The following SHBG variants were observed in gnomAD, a reference collection of about 807,000 sequenced individuals.
SHBG encodes the protein sex hormone binding globulin.
A neutral mutation model predicts 41.9 loss-of-function variants in SHBG; 37 were observed. The ratio of observed to expected loss-of-function variants is 0.88; its 90% CI spans 0.68 to 1.16. The LOEUF is 1.16. Among genes scored for constraint, SHBG ranks in the 50% most tolerant of loss-of-function variants. The pLI is 0.00. For synonymous variants in SHBG, 217 were observed against 205.8 expected (o/e 1.05, Z -0.47); for missense variants, 466 against 499.9 (o/e 0.93, Z 0.65).
intron 1 of SHBG, among the ~76,000 whole-genome samples, chr17:7,619,565 G>A (rs535524575): frequency 1.3e-5 from 2 of 151,818 alleles, no homozygotes; most frequent in African/African-American, 4.8e-5. Flanking sequence ...AATTAGCCAG[G>A]CATGGTGGCA....
chr17:7,631,805 C>T (rs2072426676), intron 5 of SHBG, 57 bp downstream of exon 5: 3 of 1,612,346 alleles, frequency 1.9e-6, no homozygotes, highest in Admixed American at 3.3e-5. Context: ...TGCCTCTGTC[C>T]CCCTCTACCA....
rs1414189472 is a variant in SHBG at position 7,630,869 on chromosome 17, G to C, written c.393G>C (p.Gln131His). ...GPRLDDGRWH[Q>H]VEVKMEGDSV... ...GGCTGGATGATGGGAGATGGCACCA[G>C]GTAAGCTAGCTCTGGTCCTCAGGGG... Residue 131 changes from glutamine (Q) to histidine (H), a missense_variant and splice_region_variant, in exon 3 of 8, where the codon CAG becomes CAC. Transcript: ENST00000380450. The surrounding 1 kb of genome is among the most constrained non-coding windows in gnomAD (Gnocchi z 4.6). 1 of 1,612,294 alleles carries C rather than the reference G, an allele frequency of 6.2e-7. No individual in the cohort carries two copies. Among genetic ancestry groups the C allele is most frequent in the Non-Finnish European group, 8.5e-7 (1 of 1,179,846 alleles).
chr17:7,623,618 C>T (rs55956545), upstream of SHBG, among the ~76,000 whole-genome samples: 3,856 of 152,042 alleles, frequency 0.025, 68 homozygotes, highest in South Asian at 0.09. Flanking sequence ...CCACCAAGCT[C>T]GGCTAATGTT....
rs915240487 is a variant in SHBG, at chr17:7,631,816, C to G, written c.716-63C>G. On this transcript the variant is annotated intron_variant, in intron 5 of 7. Transcript: ENST00000380450. ...AGCCTGCCTCTGTCCCCCTCTACCA[C>G]TGGCCCCTTTCCTCCTTGAGACCCC... 4 of 1,612,900 alleles carry G rather than the reference C, an allele frequency of 2.5e-6. No homozygotes were observed. The African/African-American group carries it at 5.3e-5, about 22-fold the overall frequency.
At chr17:7,629,893 A>C (rs1361095982), upstream of SHBG, among the ~76,000 whole-genome samples, 2 of 151,870 alleles carry the variant, frequency 1.3e-5, no homozygotes, top group Non-Finnish European at 2.9e-5. Context: ...CTAGAGGAGG[A>C]GAGGGGAGAT....
upstream of SHBG, among the ~76,000 whole-genome samples, chr17:7,623,067 C>T (rs2072128503): frequency 6.6e-6 from 1 of 150,824 alleles, no homozygotes; most frequent in South Asian, 2.1e-4. Flanking sequence ...CTCTGAAAAC[C>T]AAAGACAAAA....
chr17:7,629,246 C>T (rs909088629), upstream of SHBG, among the ~76,000 whole-genome samples: 2 of 151,286 alleles, frequency 1.3e-5, no homozygotes, highest in Non-Finnish European at 2.9e-5. Context: ...CGTGGTGGTG[C>T]GTGCACCTGT....
At chr17:7,614,615 CCCGGAGGAGGAG>C in intron 1 of SHBG, 1 of 848,024 alleles carries the variant, frequency 1.2e-6, no homozygotes, top group Non-Finnish European at 1.6e-6. Flanking sequence ...CCGGCGTCTC[CCCGGAGGAGGAG>C]CCGGAGGGGG....
At chr17:7,632,079 G>A (rs1287780349) in intron 6 of SHBG, 64 bp downstream of exon 6, 3 of 1,529,642 alleles carry the variant, frequency 2.0e-6, no homozygotes, top group Non-Finnish European at 2.7e-6. Context: ...GGGAAGAGGG[G>A]AGTCCAACAT....
chr17:7,627,673 T>A, upstream of SHBG: 1 of 1,613,186 alleles, frequency 6.2e-7, no homozygotes, highest in South Asian at 1.1e-5. The surrounding 1 kb of genome is among the most constrained non-coding windows in gnomAD (Gnocchi z 4.8). Context: ...TCCCAGGGCC[T>A]CGCAAACGGC....
chr17:7,622,088 A>G (rs1376093900), intron 1 of SHBG, among the ~76,000 whole-genome samples: 1 of 148,918 alleles, frequency 6.7e-6, no homozygotes, highest in Non-Finnish European at 1.5e-5. Flanking sequence ...CAAATGATCT[A>G]CCCGCCTCGG....
At chr17:7,623,036 CAA>C (rs34479809), upstream of SHBG, among the ~76,000 whole-genome samples, 78 of 131,154 alleles carry the variant, frequency 5.9e-4, no homozygotes, top group South Asian at 9.4e-4. Flanking sequence ...GACTCCGTCT[CAA>C]AAAAAAAAAA....
chr17:7,615,894 G>A (rs2150953216), intron 1 of SHBG, among the ~76,000 whole-genome samples: 1 of 152,036 alleles, frequency 6.6e-6, no homozygotes. Flanking sequence ...TTTCAGACGG[G>A]CGCTGTGGCT....
chr17:7,627,949 A>AC (rs2072276294), upstream of SHBG: 2 of 500,902 alleles, frequency 4.0e-6, no homozygotes, highest in Non-Finnish European at 3.8e-6. This position sits in a 1 kb window ranked among gnomAD's most constrained non-coding sequence, Gnocchi z 4.8. Flanking sequence ...CCCAAGCCCC[A>AC]CCCCCGACAG....
intron 7 of SHBG, 91 bp downstream of exon 7, chr17:7,633,050 A>T: frequency 7.0e-7 from 1 of 1,430,026 alleles, no homozygotes; most frequent in African/African-American, 1.4e-5. Flanking sequence ...AACCTCTGGG[A>T]GGGAAGAAGA....
intron 1 of SHBG, among the ~76,000 whole-genome samples, chr17:7,622,873 CAA>C (rs551320245): frequency 1.6e-5 from 2 of 126,424 alleles, no homozygotes; most frequent in Non-Finnish European, 3.4e-5. Context: ...ACTAAAAATA[CAA>C]AAAAAAAAAA....
chr17:7,627,531 G>T, upstream of SHBG: 1 of 1,584,744 alleles, frequency 6.3e-7, no homozygotes, highest in Non-Finnish European at 8.7e-7. This position sits in a 1 kb window ranked among gnomAD's most constrained non-coding sequence, Gnocchi z 4.8. Context: ...CTCTGGCCGC[G>T]CCACTCTGAC....
At chr17:7,631,178 T>A (rs779982118) in intron 3 of SHBG, 22 bp from the exon 4 acceptor site, 55 of 1,527,202 alleles carry the variant, frequency 3.6e-5, no homozygotes, top group Middle Eastern at 1.7e-4. Flanking sequence ...GGCCTCTGAT[T>A]TTGCTTCCCA....
upstream of SHBG, chr17:7,626,352 G>A: frequency 7.2e-7 from 1 of 1,380,926 alleles, no homozygotes; most frequent in African/African-American, 1.4e-5. Context: ...CTCCAGGGAG[G>A]CCTCAGCATC....
Sources: gnomAD v4.1 joint callset for allele counts (sites outside exome capture counted in the v4.1 genomes callset) on GRCh38, gnomAD v4.1.1 for gene constraint, Gnocchi (gnomAD v3.1) non-coding constraint, MANE v1.5 for transcripts, NCBI Gene and HGNC (gene_info 2026-07-23, HGNC 2026-07-21) for gene names.